The following TMEM156 variants were observed in gnomAD, a reference collection of about 807,000 sequenced individuals.
The protein encoded by TMEM156 is transmembrane protein 156.
In TMEM156, 28 loss-of-function variants were observed where a neutral mutation model predicts 30.5. The ratio of observed to expected loss-of-function variants is 0.92; its 90% CI spans 0.68 to 1.26. TMEM156 has a LOEUF of 1.26. Among genes scored for constraint, TMEM156 ranks in the 50% most tolerant of loss-of-function variants. The pLI, the probability that TMEM156 is intolerant of heterozygous loss-of-function variation, is 0.00. For synonymous variants in TMEM156, 137 were observed against 119.9 expected, an observed-to-expected ratio of 1.14 and a Z score of -0.93; for missense variants, 351 against 340.6, an observed-to-expected ratio of 1.03 and a Z score of -0.24.
At chr4:38,981,289 A>G (rs1337694325) in intron 5 of TMEM156, among the ~76,000 whole-genome samples, 2 of 152,204 alleles carry the variant, frequency 1.3e-5, no homozygotes, top group African/African-American at 4.8e-5. Flanking sequence ...TGTAATATAA[A>G]TTATTGGGTC....
chr4:39,001,369 A>C (rs985058217), intron 1 of TMEM156, among the ~76,000 whole-genome samples: 4 of 150,896 alleles, frequency 2.7e-5, no homozygotes, highest in African/African-American at 9.7e-5. Flanking sequence ...CCTGGGTGAC[A>C]GAATGAGACT....
chr4:38,990,795 G>A (rs1367266907), intron 3 of TMEM156, among the ~76,000 whole-genome samples: 1 of 142,760 alleles, frequency 7.0e-6, no homozygotes, highest in African/African-American at 2.6e-5. Context: ...AAAGTTGGTT[G>A]TTGCTGTTGC....
In TMEM156 at chr4:38,988,990, T is replaced by A. The variant is rs1321937452; in HGVS notation, c.620-20A>T. On this transcript the variant is annotated intron_variant, in intron 3 of 6. Coordinates refer to ENST00000381938, the MANE Select transcript of TMEM156 (RefSeq NM_024943.3). Reference sequence around the variant, plus strand: ...TGATATCTGTAAAGAAAACAAATACTGTAAAAACCCAGTAAAATTATTCAA... The same window carrying A: ...TGATATCTGTAAAGAAAACAAATACAGTAAAAACCCAGTAAAATTATTCAA... 6.2e-7 allele frequency: 1 copy of A among 1,603,480 alleles called. No individual in the cohort carries two copies.
At chr4:39,004,050 T>C (rs1168053078) in intron 1 of TMEM156, among the ~76,000 whole-genome samples, 1 of 152,212 alleles carries the variant, frequency 6.6e-6, no homozygotes, top group Admixed American at 6.5e-5. Context: ...TTCCCCAGTA[T>C]AATTTTAAGA....
At chr4:39,023,853 AAAAAATAAAAAAT>A (rs1274815917) in intron 1 of TMEM156, among the ~76,000 whole-genome samples, 1 of 151,938 alleles carries the variant, frequency 6.6e-6, no homozygotes, top group African/African-American at 2.4e-5. Flanking sequence ...GACTCCGTTT[AAAAAATAAAAAAT>A]AAAAATAAAA....
At chr4:39,009,296 A>G (rs769420940) in intron 1 of TMEM156, among the ~76,000 whole-genome samples, 5 of 152,186 alleles carry the variant, frequency 3.3e-5, no homozygotes, top group African/African-American at 9.6e-5. Flanking sequence ...AAATTAATTC[A>G]CAGCCAATTT....
At chr4:38,995,282 G>T (rs78403286) in intron 2 of TMEM156, among the ~76,000 whole-genome samples, 3,813 of 152,224 alleles carry the variant, frequency 0.025, 171 homozygotes, top group African/African-American at 0.088. Context: ...AGGTATCGAG[G>T]GTTAGGACTT....
intron 1 of TMEM156, among the ~76,000 whole-genome samples, chr4:38,999,259 G>A (rs987913317): frequency 5.9e-5 from 9 of 151,984 alleles, no homozygotes; most frequent in Non-Finnish European, 1.2e-4. Flanking sequence ...TGTGACTGCA[G>A]GGGCATGCCA....
Position 39,012,118 on chromosome 4 carries a change from A to T in TMEM156, c.89-13209T>A, listed in dbSNP as rs1336503902. Among the ~76,000 whole-genome samples, 9 of 152,210 alleles carry T rather than the reference A, an allele frequency of 5.9e-5. No individual in the cohort carries two copies. The East Asian group carries it at 1.7e-3, about 29-fold the overall frequency. ...CATTAGAAGCCCAAACCTCAGCATC[A>T]CATAATATATCCATGTAACAAACCT... On this transcript the variant is annotated intron_variant, in intron 1 of 6. Transcript: ENST00000381938.
intron 1 of TMEM156, among the ~76,000 whole-genome samples, chr4:39,017,802 T>G (rs955759274): frequency 6.6e-6 from 1 of 152,242 alleles, no homozygotes; most frequent in African/African-American, 2.4e-5. Flanking sequence ...AATCTTACAT[T>G]AATACCATGG....
At chr4:39,005,047 G>A (rs1264044692) in intron 1 of TMEM156, among the ~76,000 whole-genome samples, 1 of 152,142 alleles carries the variant, frequency 6.6e-6, no homozygotes, top group Non-Finnish European at 1.5e-5. Context: ...ATACCACTCA[G>A]CCACAAAAAG....
At position 38,971,168 on chromosome 4, in the gene TMEM156, T is replaced by C. The variant is rs770565618; in HGVS notation, c.824-31A>G. On this transcript the variant is annotated intron_variant, in intron 5 of 6. Coordinates refer to ENST00000381938, the MANE Select transcript of TMEM156 (RefSeq NM_024943.3). ...TAAGAAGGAGAACTGTTTTAGTCTA[T>C]ATGTAGTAAATAGCAAAAAGAGACA... 10 of 1,603,240 alleles carry C rather than the reference T, an allele frequency of 6.2e-6. No homozygotes were observed. The Admixed American group carries it at 1.5e-4, about 24-fold the overall frequency.
At chr4:39,031,039 A>G (rs1316705970) in intron 1 of TMEM156, among the ~76,000 whole-genome samples, 1 of 152,248 alleles carries the variant, frequency 6.6e-6, no homozygotes, top group East Asian at 1.9e-4. Flanking sequence ...GTCATCAAAT[A>G]TAATTAGCAA....
intron 5 of TMEM156, among the ~76,000 whole-genome samples, chr4:38,973,210 A>AT (rs991510402): frequency 2.0e-5 from 3 of 151,994 alleles, no homozygotes; most frequent in Admixed American, 2.0e-4. Context: ...TTCTATTTCA[A>AT]TTTTTTCCTG....
In TMEM156 at chr4:38,998,850, G is replaced by A; in HGVS notation, c.148C>T (p.Leu50Phe). Residue 50 changes from leucine to phenylalanine, a missense_variant, in exon 2 of 7, where the codon CTC (leucine) becomes TTC (phenylalanine). Coordinates refer to ENST00000381938, the MANE Select transcript of TMEM156 (RefSeq NM_024943.3). ...VCLQSNFTYS[L>F]SSLNFSFVTF... ...ACAAAAGAAAAATTTAAGGAGGAGA[G>A]TGAATAGGTAAAATTAGATTGCAAA... is the stretch of plus-strand genomic sequence containing the variant. 6.2e-7 allele frequency: 1 copy of A among 1,613,742 alleles called. No individual in the cohort carries two copies. The highest frequency in any genetic ancestry group is 2.2e-5 in the East Asian group (1 of 44,802).
At chr4:38,979,966 T>C (rs1723097706) in intron 5 of TMEM156, among the ~76,000 whole-genome samples, 1 of 152,190 alleles carries the variant, frequency 6.6e-6, no homozygotes, top group Non-Finnish European at 1.5e-5. Flanking sequence ...GGCAGTTTTC[T>C]GTAAGCCCAA....
chr4:39,018,709 C>T (rs115053527), intron 1 of TMEM156, among the ~76,000 whole-genome samples: 1 of 152,152 alleles, frequency 6.6e-6, no homozygotes, highest in East Asian at 1.9e-4. Flanking sequence ...AGACAATCTG[C>T]ATTTATCCCT....
intron 4 of TMEM156, among the ~76,000 whole-genome samples, chr4:38,988,085 G>A (rs1232427191): frequency 6.6e-6 from 1 of 152,014 alleles, no homozygotes. Context: ...TATTTTTAAC[G>A]TTGCTCCTAC....
chr4:39,031,978 T>C lies in TMEM156; in HGVS notation c.88+248A>G, dbSNP rs927559096. 2.6e-5 allele frequency among the ~76,000 whole-genome samples: 4 copies of C among 152,080 alleles called. No individual in the cohort carries two copies. In the South Asian group the frequency reaches 8.3e-4, roughly 31 times the overall value. On this transcript the variant is annotated intron_variant, in intron 1 of 6. Coordinates refer to ENST00000381938, the MANE Select transcript of TMEM156 (RefSeq NM_024943.3). ...ATGCAATTATTGTAATCTCAATGTC[T>C]GAAATCTAGACTACAGATTTTAAAT...
Sources: allele counts gnomAD v4.1 joint callset (sites outside exome capture counted in the v4.1 genomes callset), GRCh38; gene constraint gnomAD v4.1.1; transcripts MANE v1.5; gene names NCBI Gene and HGNC (gene_info 2026-07-23, HGNC 2026-07-21).